ZFP28: variants seen among roughly 807,000 people sequenced by gnomAD.
ZFP28 encodes the protein zinc finger protein 28 homolog.
A neutral mutation model predicts 39.5 loss-of-function variants in ZFP28; 31 were observed. The ratio of observed to expected loss-of-function variants is 0.79; its 90% confidence interval spans 0.59 to 1.06. The LOEUF (loss-of-function observed/expected upper bound fraction) is 1.06. ZFP28 is among the 50% of genes least tolerant of loss of function. The pLI, the probability that ZFP28 is intolerant of heterozygous loss-of-function variation, is 0.00. For missense variants in ZFP28, 925 were observed against 1,048.4 expected (o/e 0.88, Z 1.63); for synonymous variants, 400 against 378.6 (o/e 1.06, Z -0.66).
chr19:56,550,291 G>A, intron 6 of ZFP28, 110 bp downstream of exon 6: 3 of 1,121,076 alleles, frequency 2.7e-6, no homozygotes, highest in Non-Finnish European at 3.8e-6. Flanking sequence ...ATGCTGGCCT[G>A]AATTTTGTGG....
intron 7 of ZFP28, 109 bp downstream of exon 7, chr19:56,550,714 C>T (rs1451733826): frequency 2.5e-6 from 4 of 1,577,364 alleles, no homozygotes; most frequent in Non-Finnish European, 3.4e-6. Flanking sequence ...TACCCAGGGT[C>T]TCTGGGTCTG....
At position 56,547,758 on chromosome 19, in the gene ZFP28, C is replaced by T. The variant is rs1239033924; in HGVS notation, c.428-49C>T. ...GCGTCAAGCCAAGGGGACTGCATCT[C>T]AGTCTGGACAGCCACACAGTATGAC... On this transcript the variant is annotated intron_variant, in intron 3 of 7. Coordinates refer to ENST00000301318, the MANE Select transcript of ZFP28 (RefSeq NM_020828.2). This position sits in a 1 kb window ranked among gnomAD's most constrained non-coding sequence, Gnocchi z 4.6. 1 of 1,608,568 alleles carries T rather than the reference C, an allele frequency of 6.2e-7. No homozygotes were observed.
At chr19:56,539,878 A>T (rs1393532880) in intron 2 of ZFP28, among the ~76,000 whole-genome samples, 162 bp downstream of exon 2, 4 of 152,156 alleles carry the variant, frequency 2.6e-5, no homozygotes, top group Non-Finnish European at 5.9e-5. Context: ...GAAAAGTTTA[A>T]ACTGCCCGGG....
chr19:56,553,823 A>C lies in ZFP28; in HGVS notation c.1038A>C (p.Gly346=). The change falls in exon 8 of 8, where the codon GGA becomes GGC. Residue 346 remains glycine (G), a synonymous_variant. Transcript: ENST00000301318. The stretch of plus-strand genomic sequence containing the variant: ...ATTGGGATTCTGACTATGTGTTTGG[A>C]AGGAAGCTTGCAGTAGGTCAAGAGA... The part of the protein sequence containing the change: ...RENWDSDYVF[G]RKLAVGQETQ... 6.2e-7 allele frequency: 1 copy of C among 1,614,148 alleles called. No homozygotes were observed. The highest frequency in any genetic ancestry group is 8.5e-7 in the Non-Finnish European group (1 of 1,180,016).
Position 56,554,638 on chromosome 19 carries a change from A to C in ZFP28, c.1853A>C (p.Glu618Ala). The C allele has an allele frequency of 7.4e-6, 12 of 1,613,428 alleles. No homozygotes were observed. Among genetic ancestry groups the C allele is most frequent in the Non-Finnish European group, 1.0e-5 (12 of 1,179,430 alleles). ...ATTCATACTGGGGAGAAGCCTTTTG[A>C]ATGTGCGGAGTGTGGAAAATCCTTC... ...LRIHTGEKPF[E>A]CAECGKSFSI... Residue 618 changes from glutamate (E) to alanine (A), a missense_variant, in exon 8 of 8, where the codon GAA (glutamate) becomes GCA (alanine). This residue lies in a region of ZFP28 where 369 missense variants were observed against 505.5 expected (regional missense o/e 0.73). Transcript: ENST00000301318. The surrounding 1 kb of genome is among the most constrained non-coding windows in gnomAD (Gnocchi z 6.7).
Position 56,539,174 on chromosome 19 carries a change from C to A in ZFP28, c.156C>A (p.Gly52=). Residue 52 remains glycine (G), a synonymous_variant, in exon 1 of 8, where the codon GGC becomes GGA. Coordinates refer to ENST00000301318, the MANE Select transcript of ZFP28 (RefSeq NM_020828.2). ...GGGGAAGGCCGCGCTCAAGGAATGG[C>A]CTCGCATCCAAAGGCCAGCGAGGAG... The part of the protein sequence containing the change: ...PARGRPRSRN[G]LASKGQRGAA... The A allele has an allele frequency of 6.2e-7, 1 of 1,602,948 alleles. No homozygotes were observed. Among genetic ancestry groups the A allele is most frequent in the Non-Finnish European group, 8.5e-7 (1 of 1,177,888 alleles).
chr19:56,551,389 A>C (rs1568487319), intron 7 of ZFP28: 1 of 985,624 alleles, frequency 1.0e-6, no homozygotes, highest in Non-Finnish European at 1.2e-6. Flanking sequence ...CAGGATAAAC[A>C]CACATTTTTT....
chr19:56,553,662 G>A (rs769158268), intron 7 of ZFP28, 22 bp from the exon 8 acceptor site: 2 of 1,537,964 alleles, frequency 1.3e-6, no homozygotes, highest in Admixed American at 4.5e-5. Flanking sequence ...AAGGAAATAT[G>A]TGTTTTCTTG....
rs1331998179 is a variant in ZFP28, at chr19:56,554,992, A to T, written c.2207A>T (p.Lys736Met). 2 of 1,614,054 alleles carry T rather than the reference A, an allele frequency of 1.2e-6. No individual in the cohort carries two copies. The highest frequency in any genetic ancestry group is 2.2e-5 in the East Asian group (1 of 44,892). The change falls in exon 8 of 8, where the codon AAG (lysine) becomes ATG (methionine). Residue 736 changes from lysine (K) to methionine (M), a missense_variant. Transcript: ENST00000301318. This position sits in a 1 kb window ranked among gnomAD's most constrained non-coding sequence, Gnocchi z 6.7. ...CCTTATGAATGTATTGAGTGTGGAA[A>T]GGCATTCAAGACAAAATCCTCCCTT... ...QRPYECIECGKAFKTKSSLIC... is the reference protein window; with the variant it reads ...QRPYECIECGMAFKTKSSLIC...
At chr19:56,552,056 G>C (rs2044308989) in intron 7 of ZFP28, 1 of 880,310 alleles carries the variant, frequency 1.1e-6, no homozygotes, top group Non-Finnish European at 1.4e-6. Flanking sequence ...GACACATATA[G>C]TTCTATTTCA....
chr19:56,555,110 T>C lies in ZFP28; in HGVS notation c.2325T>C (p.His775=), dbSNP rs369348786. 19 of 1,614,084 alleles carry C rather than the reference T, an allele frequency of 1.2e-5. No individual in the cohort carries two copies. In the African/African-American group the frequency reaches 2.3e-4, roughly 19 times the overall value. ...AFSHRQSLSV[H]QRIHSGKKPY... ...GTCATCGTCAATCCCTTAGTGTACATCAGAGAATCCATTCTGGAAAGAAAC... is the reference window on the plus strand; with the variant it reads ...GTCATCGTCAATCCCTTAGTGTACACCAGAGAATCCATTCTGGAAAGAAAC... Residue 775 remains histidine (H), a synonymous_variant, in exon 8 of 8, where the codon CAT becomes CAC. Transcript: ENST00000301318.
chr19:56,547,235 G>C lies in ZFP28; in HGVS notation c.301-273G>C, dbSNP rs1234797386. 2.5e-6 allele frequency: 1 copy of C among 404,084 alleles called. No homozygotes were observed. Among genetic ancestry groups the C allele is most frequent in the African/African-American group, 2.1e-5 (1 of 48,020 alleles). 25.0% of individuals were successfully genotyped at this position (404,084 alleles called of 1,614,324 possible). A position where few individuals can be genotyped will look rare whatever the true frequency, so the allele number is the denominator to read the frequency against. On this transcript the variant is annotated intron_variant, in intron 2 of 7. Coordinates refer to ENST00000301318, the MANE Select transcript of ZFP28 (RefSeq NM_020828.2). This position sits in a 1 kb window ranked among gnomAD's most constrained non-coding sequence, Gnocchi z 4.6. ...CGTCTTCTCTCTGTGTCCTCACGTGGTCTTTTCCCTGTGCCTGCACACCGT... is the reference window on the plus strand; with the variant it reads ...CGTCTTCTCTCTGTGTCCTCACGTGCTCTTTTCCCTGTGCCTGCACACCGT...
In ZFP28 at chr19:56,554,686, C is replaced by G; in HGVS notation, c.1901C>G (p.Thr634Ser). 1.2e-6 allele frequency: 2 copies of G among 1,614,110 alleles called. No individual in the cohort carries two copies. Among genetic ancestry groups the G allele is most frequent in the Non-Finnish European group, 1.7e-6 (2 of 1,180,016 alleles). Residue 634 changes from threonine to serine, a missense_variant, in exon 8 of 8, where the codon ACT becomes AGT. Physicochemically the swap from Thr to Ser is moderately conservative, Grantham distance 58. Around this residue, in one of 2 missense-constraint regions of ZFP28, gnomAD observed 369 missense variants for 505.5 expected, o/e 0.73. Coordinates refer to ENST00000301318, the MANE Select transcript of ZFP28 (RefSeq NM_020828.2). The surrounding 1 kb of genome is among the most constrained non-coding windows in gnomAD (Gnocchi z 6.7). Reference protein sequence around the residue: ...KSFSISSQLATHQRIHTGEKP... With the variant: ...KSFSISSQLASHQRIHTGEKP... ...TTCAGCATCAGTTCTCAGCTTGCCA[C>G]TCATCAGAGAATCCATACTGGAGAG...
At chr19:56,550,780 C>T (rs1600548552) in intron 7 of ZFP28, 175 bp downstream of exon 7, 2 of 1,528,296 alleles carry the variant, frequency 1.3e-6, no homozygotes, top group Non-Finnish European at 1.8e-6. Flanking sequence ...CCTTTGCCCC[C>T]TTCTCTCCAG....
chr19:56,547,980 C>A lies in ZFP28; in HGVS notation c.523+78C>A. On this transcript the variant is annotated intron_variant, in intron 4 of 7. Coordinates refer to ENST00000301318, the MANE Select transcript of ZFP28 (RefSeq NM_020828.2). The surrounding 1 kb of genome is among the most constrained non-coding windows in gnomAD (Gnocchi z 4.6). ...TGACTCAGACACGCAACATCTTCAG[C>A]AGACTCTTCCTAAGCCTCTTGCTTA... 1.5e-6 allele frequency: 2 copies of A among 1,369,932 alleles called. No homozygotes were observed. Among genetic ancestry groups the A allele is most frequent in the Non-Finnish European group, 1.0e-6 (1 of 974,388 alleles). 84.9% of individuals were successfully genotyped at this position (1,369,932 alleles called of 1,614,324 possible).
rs1376511847 is a variant in ZFP28, at chr19:56,550,380, TC to T, written c.803-129del. On this transcript the variant is annotated intron_variant, in intron 6 of 7. Transcript: ENST00000301318. ...AGGCTTGAAGCGTTATCTTCTTGTG[TC>T]TTTCAGATCCTACTCACCTGTTTTT... 4.4e-6 allele frequency: 4 copies of T among 901,728 alleles called. No individual in the cohort carries two copies. In the Admixed American group the frequency reaches 1.1e-4, roughly 24 times the overall value. The allele number at this position is 901,728 out of a possible 1,614,324, so 55.9% of individuals were successfully genotyped here.
Position 56,548,991 on chromosome 19 carries a change from C to A in ZFP28, c.557C>A (p.Pro186His). 1 of 1,613,976 alleles carries A rather than the reference C, an allele frequency of 6.2e-7. No individual in the cohort carries two copies. Among genetic ancestry groups the A allele is most frequent in the East Asian group, 2.2e-5 (1 of 44,856 alleles). ...GCTGTGTGGAAGATCAAGGAGTTACCTCTCAAGAAGGACTTCTGCGAAGGA... is the reference window on the plus strand; with the variant it reads ...GCTGTGTGGAAGATCAAGGAGTTACATCTCAAGAAGGACTTCTGCGAAGGA... ...LKAVWKIKEL[P>H]LKKDFCEGKL... Residue 186 changes from proline to histidine, a missense_variant, in exon 5 of 8, where the codon CCT becomes CAT. Transcript: ENST00000301318.
chr19:56,550,420 C>A, intron 6 of ZFP28, 90 bp from the exon 7 acceptor site: 1 of 1,159,338 alleles, frequency 8.6e-7, no homozygotes. Context: ...TTTCTTTCAG[C>A]AGTAACACTT....
In ZFP28 at chr19:56,539,053, C is replaced by T; in HGVS notation, c.35C>T (p.Pro12Leu). The T allele has an allele frequency of 2.0e-6, 3 of 1,498,990 alleles. No homozygotes were observed. Among genetic ancestry groups the T allele is most frequent in the South Asian group, 1.2e-5 (1 of 81,312 alleles). The allele number at this position is 1,498,990 out of a possible 1,614,324, so 92.9% of individuals were successfully genotyped here. The change falls in exon 1 of 8, where the codon CCG becomes CTG. Residue 12 changes from proline (P) to leucine (L), a missense_variant. Pro to Leu is a moderately conservative substitution (Grantham distance 98, BLOSUM62 -3). Transcript: ENST00000301318. ...GCGGCGAGCGCGAGTGTCCGCGAGC[C>T]GACGCCGCTCCCGGGTAGAGGCGCC... is the stretch of plus-strand genomic sequence containing the variant. The part of the protein sequence containing the change: ...RGAASASVRE[P>L]TPLPGRGAPR...
Sources: gnomAD v4.1 joint callset for allele counts (sites outside exome capture counted in the v4.1 genomes callset) on GRCh38, gnomAD v4.1.1 for gene constraint, gnomAD v4.1.1 regional missense constraint, Gnocchi (gnomAD v3.1) non-coding constraint, MANE v1.5 for transcripts, NCBI Gene and HGNC (gene_info 2026-07-23, HGNC 2026-07-21) for gene names.